The following ATXN1 variants were observed in gnomAD, a reference collection of about 807,000 sequenced individuals.
ATXN1 encodes the protein ataxin 1, also known as ataxin-1.
ATXN1 carries 8 observed loss-of-function variants against 56.4 expected under a neutral mutation model. The ratio of observed to expected loss-of-function variants is 0.14; its 90% CI spans 0.08 to 0.26. The LOEUF is 0.26. Among genes scored for constraint, ATXN1 ranks in the 10% least tolerant of loss-of-function variants. ATXN1 has a pLI of 1.00. For missense variants in ATXN1, 987 were observed against 1,106.5 expected (o/e 0.89, Z 1.53); for synonymous variants, 514 against 494.6 (o/e 1.04, Z -0.52).
intron 5 of ATXN1, among the ~76,000 whole-genome samples, chr6:16,489,812 C>T (rs1030501629): frequency 3.3e-5 from 5 of 151,750 alleles, no homozygotes; most frequent in African/African-American, 7.3e-5. Flanking sequence ...AACAAGACTC[C>T]GACTCAAAAA....
At chr6:16,419,989 A>G (rs1476683839) in intron 6 of ATXN1, among the ~76,000 whole-genome samples, 1 of 152,218 alleles carries the variant, frequency 6.6e-6, no homozygotes, top group Non-Finnish European at 1.5e-5. Context: ...TCTGGTGCAC[A>G]GATACAAAGA....
At chr6:16,681,069 A>G (rs1056076520) in intron 2 of ATXN1, among the ~76,000 whole-genome samples, 5 of 152,192 alleles carry the variant, frequency 3.3e-5, no homozygotes, top group African/African-American at 9.6e-5. Context: ...TACCTAATCA[A>G]TTCCAAAGGA....
Position 16,326,952 on chromosome 6 carries a change from G to A in ATXN1, c.1359C>T (p.Phe453=). The part of the protein sequence containing the change: ...PLPVGLPATA[F]YAGTQPPVIG... ...TGACAGGGGGTTGAGTCCCTGCGTAGAAGGCCGTGGCTGGCAGTCCCACCG... is the reference window on the plus strand; with the variant it reads ...TGACAGGGGGTTGAGTCCCTGCGTAAAAGGCCGTGGCTGGCAGTCCCACCG... Residue 453 remains phenylalanine, a synonymous_variant, in exon 7 of 8, where the codon TTC becomes TTT. Coordinates refer to ENST00000436367, the MANE Select transcript of ATXN1 (RefSeq NM_001128164.2). The surrounding 1 kb of genome is among the most constrained non-coding windows in gnomAD (Gnocchi z 6.6). The A allele has an allele frequency of 6.2e-7, 1 of 1,614,172 alleles. No homozygotes were observed. Among genetic ancestry groups the A allele is most frequent in the Non-Finnish European group, 8.5e-7 (1 of 1,180,038 alleles).
In ATXN1 at chr6:16,326,006, C is replaced by T. The variant is rs776586527; in HGVS notation, c.1917+388G>A. On this transcript the variant is annotated intron_variant, in intron 7 of 7. Transcript: ENST00000436367. The surrounding 1 kb of genome is among the most constrained non-coding windows in gnomAD (Gnocchi z 6.6). ...TTAGCATCTAATCCCCTCACTCCAA[C>T]GGCATCCTCTGTCTTTTCCTGGTAA... Among the ~76,000 whole-genome samples, 3 of 152,246 alleles carry T rather than the reference C, an allele frequency of 2.0e-5. No individual in the cohort carries two copies. The highest frequency in any genetic ancestry group is 1.9e-4 in the East Asian group (1 of 5,192).
chr6:16,709,486 A>T (rs1020627857), intron 2 of ATXN1, among the ~76,000 whole-genome samples: 1 of 152,014 alleles, frequency 6.6e-6, no homozygotes, highest in African/African-American at 2.4e-5. Flanking sequence ...TAGTTATGCA[A>T]CTCTACACAT....
chr6:16,366,143 T>C lies in ATXN1; in HGVS notation c.-160-37673A>G, dbSNP rs142533130. Among the ~76,000 whole-genome samples the C allele has an allele frequency of 7.6e-3, 1,160 of 152,294 alleles. 27 individuals carry two copies. The highest frequency in any genetic ancestry group is 0.025 in the South Asian group (121 of 4,826). On this transcript the variant is annotated intron_variant, in intron 6 of 7. Coordinates refer to ENST00000436367, the MANE Select transcript of ATXN1 (RefSeq NM_001128164.2). Reference sequence around the variant, plus strand: ...TTTCTTACCTATGAGGCTTTGGTGATATATGGAAAAGGGGACCTCTATGGC... The same window carrying C: ...TTTCTTACCTATGAGGCTTTGGTGACATATGGAAAAGGGGACCTCTATGGC...
chr6:16,594,515 A>G (rs1038129160), intron 3 of ATXN1, among the ~76,000 whole-genome samples: 17 of 142,124 alleles, frequency 1.2e-4, no homozygotes, highest in African/African-American at 4.1e-4. Context: ...ACGGAGTCTC[A>G]TTCTGTCGCC....
chr6:16,443,208 C>CAAAAA (rs70999325), intron 6 of ATXN1, among the ~76,000 whole-genome samples: 4 of 40,772 alleles, frequency 9.8e-5, no homozygotes, highest in East Asian at 9.4e-4. Context: ...TCTATTGGAG[C>CAAAAA]AAAAAAAAAA....
intron 4 of ATXN1, among the ~76,000 whole-genome samples, chr6:16,551,398 T>C (rs1761918029): frequency 1.4e-5 from 2 of 142,736 alleles, no homozygotes; most frequent in Non-Finnish European, 1.5e-5. Context: ...CAGAAGGAAG[T>C]GGAATCTGAG....
intron 6 of ATXN1, among the ~76,000 whole-genome samples, chr6:16,420,701 T>C (rs961372505): frequency 5.3e-5 from 8 of 152,206 alleles, no homozygotes; most frequent in African/African-American, 1.9e-4. Flanking sequence ...AAAACAGACA[T>C]TACTTTTGGG....
At chr6:16,503,662 C>T (rs919089532) in intron 5 of ATXN1, among the ~76,000 whole-genome samples, 6 of 152,140 alleles carry the variant, frequency 3.9e-5, no homozygotes, top group Admixed American at 2.0e-4. Flanking sequence ...TATATTCCAG[C>T]TTGGAACACA....
At chr6:16,317,168 A>G (rs992922907) in intron 7 of ATXN1, among the ~76,000 whole-genome samples, 2 of 152,142 alleles carry the variant, frequency 1.3e-5, no homozygotes, top group South Asian at 2.1e-4. Flanking sequence ...TTAAATCCCA[A>G]TGAAAATAAA....
At chr6:16,584,214 G>T (rs146406644) in intron 4 of ATXN1, among the ~76,000 whole-genome samples, 3,384 of 62,136 alleles carry the variant, frequency 0.054, 83 homozygotes, top group Middle Eastern at 0.11. Context: ...TCATGTTCCC[G>T]ATATTGGACA....
At chr6:16,478,136 T>C (rs1016282573) in intron 6 of ATXN1, among the ~76,000 whole-genome samples, 3 of 152,274 alleles carry the variant, frequency 2.0e-5, no homozygotes, top group African/African-American at 7.2e-5. Context: ...GAGATACTGA[T>C]TGGCAGCTAA....
At chr6:16,433,307 CCTT>C (rs1187294876) in intron 6 of ATXN1, among the ~76,000 whole-genome samples, 7 of 152,204 alleles carry the variant, frequency 4.6e-5, no homozygotes, top group Non-Finnish European at 8.8e-5. Flanking sequence ...GTGATCCACA[CCTT>C]CTGAATACTT....
chr6:16,667,875 C>A (rs1758458699), intron 2 of ATXN1, among the ~76,000 whole-genome samples: 1 of 152,186 alleles, frequency 6.6e-6, no homozygotes. Flanking sequence ...TATTCTTAGT[C>A]ATTTTTCAAT....
chr6:16,326,870 G>A lies in ATXN1; in HGVS notation c.1441C>T (p.His481Tyr). The change falls in exon 7 of 8, where the codon CAC becomes TAC. Residue 481 changes from histidine (H) to tyrosine (Y), a missense_variant. Transcript: ENST00000436367. The surrounding 1 kb of genome is among the most constrained non-coding windows in gnomAD (Gnocchi z 6.6). ...GGCTGTGTGCCGGGGATCACCAGGT[G>A]CTGGGGCAGGCTGCCGGCGTAGGTG... Reference protein sequence around the residue: ...AITYAGSLPQHLVIPGTQPLL... With the variant: ...AITYAGSLPQYLVIPGTQPLL... The A allele has an allele frequency of 6.2e-7, 1 of 1,610,746 alleles. No homozygotes were observed. The highest frequency in any genetic ancestry group is 8.5e-7 in the Non-Finnish European group (1 of 1,177,564).
rs543028950 is a variant in ATXN1 at position 16,462,207 on chromosome 6, C to T, written c.-161+23765G>A. Among the ~76,000 whole-genome samples the T allele has an allele frequency of 2.6e-5, 4 of 152,250 alleles. No homozygotes were observed. The South Asian group carries it at 8.3e-4, about 32-fold the overall frequency. ...GGACCATACTCAGTAATCCTCTCTACCCCCACTGCAGTTAAGGTGGCAGGA... is the reference window on the plus strand; with the variant it reads ...GGACCATACTCAGTAATCCTCTCTATCCCCACTGCAGTTAAGGTGGCAGGA... On this transcript the variant is annotated intron_variant, in intron 6 of 7. Transcript: ENST00000436367.
In ATXN1 at chr6:16,730,528, A is replaced by C. The variant is rs186418519; in HGVS notation, c.-615+22705T>G. ...ATATAAATGTATTTATACATATATA[A>C]TGTAATATAAAATATTTATGTACAA... On this transcript the variant is annotated intron_variant, in intron 2 of 7. Transcript: ENST00000436367. 3.2e-5 allele frequency among the ~76,000 whole-genome samples: 4 copies of C among 125,880 alleles called. No individual in the cohort carries two copies. In the East Asian group the frequency reaches 8.2e-4, roughly 26 times the overall value. The allele number at this position is 125,880 out of a possible 152,430, so 82.6% of individuals were successfully genotyped here.
Sources: allele counts gnomAD v4.1 joint callset (sites outside exome capture counted in the v4.1 genomes callset), GRCh38; gene constraint gnomAD v4.1.1; non-coding constraint Gnocchi (gnomAD v3.1); transcripts MANE v1.5; gene names NCBI Gene and HGNC (gene_info 2026-07-23, HGNC 2026-07-21).